The following CCDC170 variants were observed in gnomAD, a reference collection of about 807,000 sequenced individuals.
CCDC170 encodes the protein coiled-coil domain containing 170.
A neutral mutation model predicts 72.6 loss-of-function variants in CCDC170; 69 were observed. The ratio of observed to expected loss-of-function variants is 0.95; its 90% CI spans 0.78 to 1.16. CCDC170 has a LOEUF of 1.16. CCDC170 is among the 50% of genes most tolerant of loss of function. The pLI, the probability that CCDC170 is intolerant of heterozygous loss-of-function variation, is 0.00. For missense variants in CCDC170, 852 were observed against 832.5 expected, an observed-to-expected ratio of 1.02 and a Z score of -0.29; for synonymous variants, 300 against 303.9, an observed-to-expected ratio of 0.99 and a Z score of 0.13.
At chr6:151,558,082 A>G (rs922608186) in intron 5 of CCDC170, among the ~76,000 whole-genome samples, 2 of 152,150 alleles carry the variant, frequency 1.3e-5, no homozygotes, top group African/African-American at 4.8e-5. Flanking sequence ...CTGGTGACAG[A>G]TCGAGACTCT....
chr6:151,551,991 T>C (rs1782885565), intron 5 of CCDC170, among the ~76,000 whole-genome samples: 1 of 151,496 alleles, frequency 6.6e-6, no homozygotes, highest in African/African-American at 2.4e-5. Context: ...GGAACCTACC[T>C]AGGTTAATTC....
At chr6:151,534,365 T>A (rs1782542426) in intron 1 of CCDC170, among the ~76,000 whole-genome samples, 1 of 148,750 alleles carries the variant, frequency 6.7e-6, no homozygotes, top group South Asian at 2.1e-4. Context: ...TAGCTTCTTT[T>A]CTTAAAAAAA....
chr6:151,596,307 A>C (rs754970515), intron 8 of CCDC170, 28 bp from the exon 9 acceptor site: 2 of 1,569,538 alleles, frequency 1.3e-6, no homozygotes, highest in Admixed American at 2.0e-5. Flanking sequence ...AATTATTAAA[A>C]AAAAAATCCC....
intron 9 of CCDC170, among the ~76,000 whole-genome samples, chr6:151,602,736 G>A (rs1005953227): frequency 1.3e-5 from 2 of 151,954 alleles, no homozygotes; most frequent in East Asian, 3.9e-4. Flanking sequence ...TCTCCCCGGC[G>A]ATGCAGAACT....
At chr6:151,548,052 T>G (rs1445060022) in intron 4 of CCDC170, among the ~76,000 whole-genome samples, 1 of 152,220 alleles carries the variant, frequency 6.6e-6, no homozygotes, top group Non-Finnish European at 1.5e-5. Flanking sequence ...GGTTTGCTGA[T>G]GTGTGTTCCG....
chr6:151,526,987 C>T (rs1782420158), intron 1 of CCDC170, among the ~76,000 whole-genome samples: 1 of 150,490 alleles, frequency 6.6e-6, no homozygotes, highest in African/African-American at 2.4e-5. Flanking sequence ...CAGGCTCAAG[C>T]AATTCTTGTG....
chr6:151,576,030 CA>C lies in CCDC170; in HGVS notation c.1092+2540del, dbSNP rs1179860997. Reference sequence around the variant, plus strand: ...ATTTCCTTAAATGGTAACAGATATGCAGACGATTTCCAGCTCATGAAAATTT... The same window carrying C: ...ATTTCCTTAAATGGTAACAGATATGCGACGATTTCCAGCTCATGAAAATTT... On this transcript the variant is annotated intron_variant, in intron 6 of 10. Transcript: ENST00000239374. 2.0e-5 allele frequency among the ~76,000 whole-genome samples: 3 copies of C among 152,154 alleles called. No individual in the cohort carries two copies. The East Asian group carries it at 5.8e-4, about 29-fold the overall frequency.
chr6:151,596,434 G>T lies in CCDC170; in HGVS notation c.1567G>T (p.Ala523Ser), dbSNP rs200776453. The change falls in exon 9 of 11, where the codon GCC becomes TCC. Residue 523 changes from alanine (A) to serine (S), a missense_variant. Physicochemically the swap from Ala to Ser is moderately conservative, Grantham distance 99 (BLOSUM62 1). Transcript: ENST00000239374. Reference sequence around the variant, plus strand: ...GGAGGAGGAGAAGCAGGCACGCACGGCCTTGGTGGTTGAGAGGGACAACGC... The same window carrying T: ...GGAGGAGGAGAAGCAGGCACGCACGTCCTTGGTGGTTGAGAGGGACAACGC... ...QLEEEKQARTALVVERDNAHL... is the reference protein window; with the variant it reads ...QLEEEKQARTSLVVERDNAHL... 1,520 of 1,614,148 alleles carry T rather than the reference G, an allele frequency of 9.4e-4. 6 individuals are homozygous for T. The highest frequency in any genetic ancestry group is 2.4e-3 in the South Asian group (220 of 91,082).
At chr6:151,533,735 A>G (rs1396298972) in intron 1 of CCDC170, among the ~76,000 whole-genome samples, 4 of 150,252 alleles carry the variant, frequency 2.7e-5, no homozygotes, top group Non-Finnish European at 5.9e-5. Context: ...ATCTGAAGTC[A>G]TTTTCCTTTG....
chr6:151,619,004 A>G lies in CCDC170; in HGVS notation c.*857A>G, dbSNP rs1354790955. On this transcript the variant is annotated 3_prime_UTR_variant, in exon 11 of 11. Coordinates refer to ENST00000239374, the MANE Select transcript of CCDC170 (RefSeq NM_025059.4). ...CGACAGAGTGAAACTACATCTCAGA[A>G]AAAAAAAAAAAAAAAAAAAAAAAAA... is the stretch of plus-strand genomic sequence containing the variant. 8 of 48,670 alleles carry G rather than the reference A, an allele frequency of 1.6e-4. No individual in the cohort carries two copies. The highest frequency in any genetic ancestry group is 2.6e-4 in the African/African-American group (3 of 11,342). 3.0% of individuals were successfully genotyped at this position (48,670 alleles called of 1,614,324 possible).
intron 7 of CCDC170, among the ~76,000 whole-genome samples, chr6:151,587,702 G>A (rs1562291762): frequency 6.6e-6 from 1 of 152,158 alleles, no homozygotes; most frequent in South Asian, 2.1e-4. Flanking sequence ...CAGGGAGATC[G>A]GGGCGTAATA....
At chr6:151,560,621 A>G (rs905732127) in intron 5 of CCDC170, among the ~76,000 whole-genome samples, 9 of 152,042 alleles carry the variant, frequency 5.9e-5, no homozygotes, top group African/African-American at 1.4e-4. Flanking sequence ...TAATAGTAGT[A>G]TTTTATAAAT....
chr6:151,516,684 G>GA (rs1782240803), intron 1 of CCDC170, among the ~76,000 whole-genome samples: 2 of 152,252 alleles, frequency 1.3e-5, no homozygotes, highest in South Asian at 4.2e-4. Flanking sequence ...TCCTGAAAGG[G>GA]AAAAACTGGT....
chr6:151,610,712 G>A (rs1776856559), intron 9 of CCDC170, among the ~76,000 whole-genome samples: 1 of 152,170 alleles, frequency 6.6e-6, no homozygotes, highest in Non-Finnish European at 1.5e-5. Context: ...TAAATGGTCT[G>A]CAAGGTCAGC....
intron 1 of CCDC170, among the ~76,000 whole-genome samples, chr6:151,513,608 C>T (rs190908728): frequency 1.2e-3 from 94 of 80,600 alleles, no homozygotes; most frequent in African/African-American, 5.4e-3. Flanking sequence ...AGAGAGGCTC[C>T]GTCTCAAAAA....
chr6:151,563,677 G>A (rs1250524355), intron 5 of CCDC170, among the ~76,000 whole-genome samples: 1 of 152,116 alleles, frequency 6.6e-6, no homozygotes, highest in Admixed American at 6.5e-5. Context: ...GTGTGAGCTG[G>A]CCACCAAGTT....
intron 1 of CCDC170, among the ~76,000 whole-genome samples, chr6:151,513,558 C>G (rs1030900973): frequency 6.9e-6 from 1 of 145,450 alleles, no homozygotes; most frequent in Non-Finnish European, 1.5e-5. Context: ...TGCAGTAAGC[C>G]GAGATCCCAC....
rs771029596 is a variant in CCDC170 at position 151,586,042 on chromosome 6, G to A, written c.1246G>A (p.Val416Ile). 6.2e-7 allele frequency: 1 copy of A among 1,614,172 alleles called. No homozygotes were observed. ...GQLTHLEAEL[V>I]SGGVLRDNLN... Reference sequence around the variant, plus strand: ...GCTGACACACCTGGAGGCAGAGCTGGTTTCTGGAGGTGTTTTGCGAGACAA... The same window carrying A: ...GCTGACACACCTGGAGGCAGAGCTGATTTCTGGAGGTGTTTTGCGAGACAA... The change falls in exon 7 of 11, where the codon GTT (valine) becomes ATT (isoleucine). Residue 416 changes from valine (V) to isoleucine (I), a missense_variant. Val to Ile is a conservative substitution (Grantham distance 29). Transcript: ENST00000239374.
intron 9 of CCDC170, among the ~76,000 whole-genome samples, chr6:151,604,664 G>A (rs1037697044): frequency 2.0e-5 from 3 of 152,182 alleles, no homozygotes; most frequent in Admixed American, 2.0e-4. Flanking sequence ...TGCTCTTACG[G>A]TAGGGAAGGA....
Sources: gnomAD v4.1 joint callset for allele counts (sites outside exome capture counted in the v4.1 genomes callset) on GRCh38, gnomAD v4.1.1 for gene constraint, MANE v1.5 for transcripts, NCBI Gene and HGNC (gene_info 2026-07-23, HGNC 2026-07-21) for gene names.